GPR55: variants seen among roughly 807,000 people sequenced by gnomAD.
GPR55 encodes G-protein coupled receptor 55.
GPR55 carries 6 observed loss-of-function variants against 7.9 expected under a neutral mutation model. The observed-to-expected ratio is 0.76, with a 90% CI of 0.41 to 1.49. The LOEUF (loss-of-function observed/expected upper bound fraction) is 1.49. Among genes scored for constraint, GPR55 ranks in the 40% most tolerant of loss-of-function variants. The probability of loss-of-function intolerance (pLI) is 0.01; values close to 1 mark genes in which losing one functional copy is unlikely to be tolerated. For synonymous variants in GPR55, 183 were observed against 166.8 expected (o/e 1.10, Z -0.75); for missense variants, 376 against 406.0 (o/e 0.93, Z 0.63).
Position 230,907,449 on chromosome 2 carries a change from T to A in GPR55, c.*2554A>T, listed in dbSNP as rs1437003547. On this transcript the variant is annotated 3_prime_UTR_variant, in exon 2 of 2. Transcript: ENST00000650999. ...ATTATGGGCCAGCTTGGGTTGCAGC[T>A]ATGTGGGTCCAAACTCTCGGCCCTC... is the stretch of plus-strand genomic sequence containing the variant. The A allele has an allele frequency of 2.6e-5, 4 of 152,238 alleles. No individual in the cohort carries two copies. Among genetic ancestry groups the A allele is most frequent in the Non-Finnish European group, 5.9e-5 (4 of 68,062 alleles). The allele number at this position is 152,238 out of a possible 1,614,324, so 9.4% of individuals were successfully genotyped here. A position where few individuals can be genotyped will look rare whatever the true frequency, so the allele number is the denominator to read the frequency against.
chr2:230,939,232 G>C (rs534123956), intron 1 of GPR55, among the ~76,000 whole-genome samples: 1 of 152,342 alleles, frequency 6.6e-6, no homozygotes, highest in African/African-American at 2.4e-5. Context: ...CGGTGGCTCC[G>C]AGGAGCTGTG....
chr2:230,954,339 C>A (rs1201921591), intron 1 of GPR55, among the ~76,000 whole-genome samples: 1 of 152,278 alleles, frequency 6.6e-6, no homozygotes, highest in Non-Finnish European at 1.5e-5. Flanking sequence ...GGCTATCATT[C>A]TGTGTCCTGA....
chr2:230,931,139 C>T (rs1306820297), intron 1 of GPR55, among the ~76,000 whole-genome samples: 1 of 152,142 alleles, frequency 6.6e-6, no homozygotes, highest in Non-Finnish European at 1.5e-5. Context: ...TCTTTAATGC[C>T]ATCAAATATC....
rs1024827683 is a variant in GPR55 at position 230,957,716 on chromosome 2, G to C, written c.-135+3059C>G. On this transcript the variant is annotated intron_variant, in intron 1 of 1. Coordinates refer to the GPR55 transcript ENST00000392039. ...AATATTGTATGGTTCATTAGGATCT[G>C]TTGTGGCTGGCTTTGGACTTTTTTT... The C allele has an allele frequency of 9.1e-6, 5 of 549,226 alleles. No individual in the cohort carries two copies. In the African/African-American group the frequency reaches 9.6e-5, roughly 11 times the overall value. 34.0% of individuals were successfully genotyped at this position (549,226 alleles called of 1,614,324 possible).
intron 1 of GPR55, 120 bp downstream of exon 1, chr2:230,925,048 A>G (rs552892690): frequency 1.3e-5 from 2 of 152,876 alleles, no homozygotes; most frequent in South Asian, 4.1e-4. Context: ...ACAGGTGTGC[A>G]CAAAGCCCAG....
intron 1 of GPR55, among the ~76,000 whole-genome samples, chr2:230,942,952 G>C (rs1691256443): frequency 6.6e-6 from 1 of 152,034 alleles, no homozygotes; most frequent in South Asian, 2.1e-4. Context: ...GGGCTCTGAA[G>C]TCAGAGTTCC....
intron 1 of GPR55, among the ~76,000 whole-genome samples, chr2:230,931,138 C>A (rs1378814608): frequency 6.6e-6 from 1 of 152,148 alleles, no homozygotes; most frequent in Non-Finnish European, 1.5e-5. Context: ...CTCTTTAATG[C>A]CATCAAATAT....
At chr2:230,950,037 T>C (rs1275539628) in intron 1 of GPR55, among the ~76,000 whole-genome samples, 1 of 152,208 alleles carries the variant, frequency 6.6e-6, no homozygotes, top group Non-Finnish European at 1.5e-5. Context: ...GGTTTCACCA[T>C]GCTGGCCAGG....
intron 1 of GPR55, among the ~76,000 whole-genome samples, chr2:230,950,063 C>G (rs772928986): frequency 1.3e-5 from 2 of 152,182 alleles, no homozygotes; most frequent in Non-Finnish European, 2.9e-5. Context: ...CGCCTGACAT[C>G]GTGATCCACC....
At chr2:230,951,306 C>T (rs1296793348) in intron 1 of GPR55, among the ~76,000 whole-genome samples, 2 of 152,192 alleles carry the variant, frequency 1.3e-5, no homozygotes, top group African/African-American at 2.4e-5. Context: ...ACCCCCCACA[C>T]ATCTGGTCCC....
At position 230,910,230 on chromosome 2, in the gene GPR55, C is replaced by G. The variant is rs1690553691; in HGVS notation, c.733G>C (p.Gly245Arg). The change falls in exon 2 of 2, where the codon GGG (glycine) becomes CGG (arginine). Residue 245 changes from glycine to arginine, a missense_variant. Coordinates refer to ENST00000650999, the MANE Select transcript of GPR55 (RefSeq NM_005683.4). The surrounding 1 kb of genome is among the most constrained non-coding windows in gnomAD (Gnocchi z 5.4). ...CTCACCAGGAACTGCAGGAAGAACC[C>G]CAGGTGGACTGGGAGGAAGGAGACC... ...FVVSFLPVHLGFFLQFLVRNS... is the reference protein window; with the variant it reads ...FVVSFLPVHLRFFLQFLVRNS... 1.9e-6 allele frequency: 3 copies of G among 1,614,122 alleles called. 1 individual carries two copies. The African/African-American group carries it at 4.0e-5, about 22-fold the overall frequency.
chr2:230,938,397 C>CAA (rs66962280), intron 1 of GPR55, among the ~76,000 whole-genome samples: 2 of 116,272 alleles, frequency 1.7e-5, no homozygotes, highest in Non-Finnish European at 3.9e-5. Flanking sequence ...ACCAGATGAC[C>CAA]AAAAAAAAAA....
intron 1 of GPR55, among the ~76,000 whole-genome samples, chr2:230,957,033 G>A (rs189543749): frequency 3.3e-5 from 5 of 151,864 alleles, no homozygotes; most frequent in African/African-American, 4.8e-5. Flanking sequence ...TTCCACCCAC[G>A]AATGTAATGC....
At chr2:230,914,868 A>C (rs1339986392) in intron 1 of GPR55, among the ~76,000 whole-genome samples, 1 of 152,222 alleles carries the variant, frequency 6.6e-6, no homozygotes, top group Non-Finnish European at 1.5e-5. Flanking sequence ...AAACAGGGGA[A>C]GTTCCCATGA....
intron 1 of GPR55, among the ~76,000 whole-genome samples, chr2:230,920,038 C>T (rs1310356017): frequency 1.3e-5 from 2 of 150,454 alleles, no homozygotes; most frequent in Non-Finnish European, 1.5e-5. Context: ...TGGTTGCATT[C>T]TAGCAGTTGG....
At chr2:230,920,354 G>A (rs1174419451) in intron 1 of GPR55, among the ~76,000 whole-genome samples, 1 of 152,010 alleles carries the variant, frequency 6.6e-6, no homozygotes, top group Admixed American at 6.6e-5. Flanking sequence ...GACCTTTCAG[G>A]GTCAGAGATG....
chr2:230,939,040 G>T (rs1409896822), intron 1 of GPR55, among the ~76,000 whole-genome samples: 1 of 152,218 alleles, frequency 6.6e-6, no homozygotes, highest in African/African-American at 2.4e-5. Flanking sequence ...CGTGTGGCCA[G>T]TTCTCGAGAT....
chr2:230,934,258 T>C (rs1415964425), intron 1 of GPR55, among the ~76,000 whole-genome samples: 2 of 152,126 alleles, frequency 1.3e-5, no homozygotes, highest in East Asian at 1.9e-4. Flanking sequence ...TCACAAAACC[T>C]AGGTCTGCAT....
chr2:230,942,612 G>C (rs992968510), intron 1 of GPR55, among the ~76,000 whole-genome samples: 2 of 152,082 alleles, frequency 1.3e-5, no homozygotes, highest in African/African-American at 4.8e-5. Context: ...GTGAAGAGCA[G>C]AGAGGGAGGC....
Sources: allele counts gnomAD v4.1 joint callset (sites outside exome capture counted in the v4.1 genomes callset), GRCh38; gene constraint gnomAD v4.1.1; non-coding constraint Gnocchi (gnomAD v3.1); transcripts MANE v1.5; gene names NCBI Gene and HGNC (gene_info 2026-07-23, HGNC 2026-07-21).